CNTLN: variants seen among roughly 807,000 people sequenced by gnomAD.
CNTLN encodes the protein centlein.
CNTLN carries 212 observed loss-of-function variants against 180.0 expected under a neutral mutation model. The observed-to-expected ratio is 1.18, with a 90% CI of 1.05 to 1.32. The LOEUF is 1.32. CNTLN is among the 40% of genes most tolerant of loss of function. CNTLN has a pLI of 0.00. For missense variants in CNTLN, 2,095 were observed against 1,610.9 expected, an observed-to-expected ratio of 1.30 and a Z score of -5.14; for synonymous variants, 722 against 563.1, an observed-to-expected ratio of 1.28 and a Z score of -3.99.
Position 17,298,357 on chromosome 9 carries a change from G to C in CNTLN, c.1146+5G>C. The C allele has an allele frequency of 6.2e-7, 1 of 1,605,008 alleles. No individual in the cohort carries two copies. The highest frequency in any genetic ancestry group is 2.2e-5 in the East Asian group (1 of 44,670). ...GAAAGTATATCATATCAAAAAGTAT[G>C]CTTTTATTCTGTAATAAAGATGTAA... On this transcript the variant is annotated splice_donor_5th_base_variant and intron_variant, in intron 7 of 25. Transcript: ENST00000380647.
chr9:17,300,298 T>C (rs1818256296), intron 7 of CNTLN: 1 of 152,174 alleles, frequency 6.6e-6, no homozygotes, highest in South Asian at 2.1e-4. Flanking sequence ...ATTTGTATGC[T>C]CTACCTGTGT....
At chr9:17,500,010 G>T (rs1165907025) in intron 25 of CNTLN, among the ~76,000 whole-genome samples, 2 of 152,114 alleles carry the variant, frequency 1.3e-5, no homozygotes, top group Non-Finnish European at 2.9e-5. Flanking sequence ...CTAAAGTTAT[G>T]TAATGACAAA....
At chr9:17,347,456 G>T (rs1821990889) in intron 12 of CNTLN, among the ~76,000 whole-genome samples, 1 of 152,064 alleles carries the variant, frequency 6.6e-6, no homozygotes, top group African/African-American at 2.4e-5. Context: ...ATCACTTGAG[G>T]TCAGGGGTTC....
intron 14 of CNTLN, among the ~76,000 whole-genome samples, chr9:17,392,544 A>G (rs1478517467): frequency 1.3e-5 from 2 of 152,202 alleles, no homozygotes; most frequent in Non-Finnish European, 2.9e-5. Context: ...AGAAGGAACA[A>G]TACAATCTCT....
chr9:17,359,996 A>C (rs7037041), intron 12 of CNTLN, among the ~76,000 whole-genome samples: 125,593 of 151,966 alleles, frequency 0.83, 52,150 homozygotes, highest in Non-Finnish European at 0.87. Flanking sequence ...GATGTGTCTT[A>C]TTTTTCTAGA....
chr9:17,342,614 C>T (rs1364020566), intron 12 of CNTLN, among the ~76,000 whole-genome samples, 170 bp downstream of exon 12: 1 of 152,076 alleles, frequency 6.6e-6, no homozygotes, highest in Non-Finnish European at 1.5e-5. Flanking sequence ...ATGTATTATG[C>T]AATAACAAGT....
intron 6 of CNTLN, among the ~76,000 whole-genome samples, chr9:17,279,052 A>G (rs1828495482): frequency 7.0e-6 from 1 of 142,008 alleles, no homozygotes; most frequent in South Asian, 2.5e-4. Flanking sequence ...TCTAAAACTA[A>G]GAACAAACTG....
chr9:17,458,423 T>C (rs2134165043), intron 19 of CNTLN, among the ~76,000 whole-genome samples: 1 of 152,054 alleles, frequency 6.6e-6, no homozygotes, highest in African/African-American at 2.4e-5. Flanking sequence ...GATTGCTAGC[T>C]AGAAGCTAAA....
chr9:17,264,187 T>G (rs1186197101), intron 5 of CNTLN, among the ~76,000 whole-genome samples: 1 of 144,210 alleles, frequency 6.9e-6, no homozygotes, highest in Non-Finnish European at 1.5e-5. Flanking sequence ...GTCTAACATT[T>G]AAGTCTTTAA....
intron 2 of CNTLN, among the ~76,000 whole-genome samples, chr9:17,165,147 A>G (rs573197840): frequency 6.6e-5 from 10 of 151,980 alleles, no homozygotes; most frequent in African/African-American, 1.2e-4. Flanking sequence ...CTCTTAGAAC[A>G]TTTTCCTAAG....
chr9:17,528,525 A>C, the CNTLN span, among the ~76,000 whole-genome samples: 1 of 152,258 alleles, frequency 6.6e-6, no homozygotes, highest in Non-Finnish European at 1.5e-5. Context: ...CTGAGGAGAT[A>C]TGACAACTAC....
intron 5 of CNTLN, among the ~76,000 whole-genome samples, chr9:17,261,360 T>C (rs1180809237): frequency 6.6e-6 from 1 of 151,480 alleles, no homozygotes; most frequent in African/African-American, 2.4e-5. Flanking sequence ...TATCAGTGTT[T>C]TGTACTTCTT....
rs1258914609 is a variant in CNTLN at position 17,307,109 on chromosome 9, A to G, written c.1147-1949A>G. The stretch of plus-strand genomic sequence containing the variant: ...ATCAGCTGTGGAAATGACATTGGAC[A>G]TGCTCCTTGGTATAAAGGTAATGAG... On this transcript the variant is annotated intron_variant, in intron 7 of 25. Transcript: ENST00000380647. Among the ~76,000 whole-genome samples the G allele has an allele frequency of 3.3e-5, 5 of 152,296 alleles. No homozygotes were observed. In the East Asian group the frequency reaches 7.7e-4, roughly 24 times the overall value.
chr9:17,526,653 A>G, the CNTLN span, among the ~76,000 whole-genome samples: 14 of 152,280 alleles, frequency 9.2e-5, no homozygotes, highest in Non-Finnish European at 1.5e-4. Context: ...TTTGAAACCT[A>G]TTGCTTCTTT....
At chr9:17,408,573 G>A (rs1587915047) in intron 15 of CNTLN, among the ~76,000 whole-genome samples, 1 of 151,894 alleles carries the variant, frequency 6.6e-6, no homozygotes, top group Admixed American at 6.6e-5. Flanking sequence ...AGGCTGAGAC[G>A]GGCAGATCAC....
chr9:17,266,756 C>G (rs937436820), intron 5 of CNTLN, among the ~76,000 whole-genome samples: 19 of 152,230 alleles, frequency 1.2e-4, no homozygotes, highest in South Asian at 6.2e-4. Context: ...GGATAGTGAG[C>G]TCTTGTTGTT....
chr9:17,199,955 G>A (rs1822410151), intron 2 of CNTLN, among the ~76,000 whole-genome samples: 1 of 152,114 alleles, frequency 6.6e-6, no homozygotes, highest in Admixed American at 6.5e-5. Context: ...TTCTTCTAGG[G>A]TTTTTATGGT....
At chr9:17,336,770 A>G (rs1049448427) in intron 10 of CNTLN, among the ~76,000 whole-genome samples, 1 of 152,222 alleles carries the variant, frequency 6.6e-6, no homozygotes, top group Non-Finnish European at 1.5e-5. Flanking sequence ...GGTTTGTTAC[A>G]TAGGTGTACA....
intron 12 of CNTLN, among the ~76,000 whole-genome samples, chr9:17,344,772 T>A (rs368477183): frequency 2.6e-5 from 4 of 152,344 alleles, no homozygotes; most frequent in African/African-American, 9.6e-5. Flanking sequence ...GTATGTTGAA[T>A]GTTTAATGTG....
Sources: allele counts gnomAD v4.1 joint callset (sites outside exome capture counted in the v4.1 genomes callset), GRCh38; gene constraint gnomAD v4.1.1; transcripts MANE v1.5; gene names NCBI Gene and HGNC (gene_info 2026-07-23, HGNC 2026-07-21).